SLC22A6: variants seen among roughly 807,000 people sequenced by gnomAD.
SLC22A6 encodes PAH transporter.
Under a neutral mutation model 56.7 loss-of-function variants are expected in SLC22A6, and 45 were observed. That is an observed-to-expected ratio of 0.79 (90% CI 0.63 to 1.02). SLC22A6 has a LOEUF of 1.02. SLC22A6 is among the 50% of genes least tolerant of loss of function. The pLI, the probability that SLC22A6 is intolerant of heterozygous loss-of-function variation, is 0.00. For missense variants in SLC22A6, 606 were observed against 713.8 expected, an observed-to-expected ratio of 0.85 and a Z score of 1.72; for synonymous variants, 291 against 295.9, an observed-to-expected ratio of 0.98 and a Z score of 0.17.
Position 62,976,680 on chromosome 11 carries a change from A to G in SLC22A6, c.*114T>C, listed in dbSNP as rs1590671181. 1 of 842,444 alleles carries G rather than the reference A, an allele frequency of 1.2e-6. No homozygotes were observed. Among genetic ancestry groups the G allele is most frequent in the Non-Finnish European group, 1.9e-6 (1 of 538,822 alleles). 52.2% of individuals were successfully genotyped at this position (842,444 alleles called of 1,614,324 possible). On this transcript the variant is annotated 3_prime_UTR_variant, in exon 10 of 10. Transcript: ENST00000360421. ...GACCCCTGGGAAGATGCTTTCCTGA[A>G]CCACAACCCCCACACTTGGGTCACC...
At chr11:62,982,067 G>C in intron 3 of SLC22A6, 57 bp from the exon 4 acceptor site, 1 of 1,539,104 alleles carries the variant, frequency 6.5e-7, no homozygotes, top group Non-Finnish European at 8.8e-7. Flanking sequence ...GGCTAGTAAA[G>C]GCCCCTCCCT....
Position 62,981,071 on chromosome 11 carries a change from C to G in SLC22A6, c.951G>C (p.Leu317=). 1.2e-6 allele frequency: 2 copies of G among 1,612,548 alleles called. No individual in the cohort carries two copies. Among genetic ancestry groups the G allele is most frequent in the Non-Finnish European group, 1.7e-6 (2 of 1,178,884 alleles). The change falls in exon 6 of 10, where the codon CTG becomes CTC. Residue 317 remains leucine, a synonymous_variant. Coordinates refer to ENST00000360421, the MANE Select transcript of SLC22A6 (RefSeq NM_153276.3). ...CCGATGCCTGGCCTTTGCCCATGGT[C>G]AGCTCCTTCTGCAGACTGGCCCGGA... ...EVLRASLQKE[L]TMGKGQASAM...
At chr11:62,978,592 T>C (rs1413672125) in intron 8 of SLC22A6, among the ~76,000 whole-genome samples, 39 of 124,654 alleles carry the variant, frequency 3.1e-4, no homozygotes, top group African/African-American at 7.4e-4. Context: ...CTTGATCTCT[T>C]TTTTTTTTTT....
In SLC22A6 at chr11:62,977,628, C is replaced by T. The variant is rs915588379; in HGVS notation, c.1362-241G>A. 2.6e-5 allele frequency among the ~76,000 whole-genome samples: 4 copies of T among 152,176 alleles called. No individual in the cohort carries two copies. In the East Asian group the frequency reaches 5.8e-4, roughly 22 times the overall value. On this transcript the variant is annotated intron_variant, in intron 8 of 9. Coordinates refer to ENST00000360421, the MANE Select transcript of SLC22A6 (RefSeq NM_153276.3). The stretch of plus-strand genomic sequence containing the variant: ...CTCAAATGGTCCTCCCCCACCACAG[C>T]TGTTGGTGATCTTTTGAAAAAGAGA...
chr11:62,976,651 GGT>G lies in SLC22A6; in HGVS notation c.*141_*142del. ...GGTTCTGGTGGGGTTTATAAAGGGA[GGT>G]GGACCCCTGGGAAGATGCTTTCCTG... On this transcript the variant is annotated 3_prime_UTR_variant, in exon 10 of 10. Coordinates refer to ENST00000360421, the MANE Select transcript of SLC22A6 (RefSeq NM_153276.3). The G allele has an allele frequency of 1.6e-6, 1 of 623,528 alleles. No individual in the cohort carries two copies. The highest frequency in any genetic ancestry group is 2.8e-6 in the Non-Finnish European group (1 of 354,904). The allele number at this position is 623,528 out of a possible 1,614,324, so 38.6% of individuals were successfully genotyped here. A position where few individuals can be genotyped will look rare whatever the true frequency, so the allele number is the denominator to read the frequency against.
At position 62,976,661 on chromosome 11, in the gene SLC22A6, T is replaced by C. The variant is rs2086191745; in HGVS notation, c.*133A>G. ...GGGTTTATAAAGGGAGGTGGACCCC[T>C]GGGAAGATGCTTTCCTGAACCACAA... On this transcript the variant is annotated 3_prime_UTR_variant, in exon 10 of 10. Coordinates refer to ENST00000360421, the MANE Select transcript of SLC22A6 (RefSeq NM_153276.3). 4.4e-6 allele frequency: 3 copies of C among 682,392 alleles called. No individual in the cohort carries two copies. The highest frequency in any genetic ancestry group is 7.5e-6 in the Non-Finnish European group (3 of 401,574). The allele number at this position is 682,392 out of a possible 1,614,324, so 42.3% of individuals were successfully genotyped here. A position where few individuals can be genotyped will look rare whatever the true frequency, so the allele number is the denominator to read the frequency against.
At position 62,983,691 on chromosome 11, in the gene SLC22A6, C is replaced by T. The variant is rs763520279; in HGVS notation, c.474G>A (p.Arg158=). 1 of 1,606,976 alleles carries T rather than the reference C, an allele frequency of 6.2e-7. No homozygotes were observed. Among genetic ancestry groups the T allele is most frequent in the African/African-American group, 1.3e-5 (1 of 74,550 alleles). ...AGATGAGTACCTTCCGGCGGCCTAG[C>T]CTGTGGGAGGAGGGGAGACTTGTAG... ...GAMVFGYLAD[R]LGRRKVLILN... The change falls in exon 3 of 10, where the codon AGG becomes AGA. Residue 158 remains arginine, a splice_region_variant and synonymous_variant. Coordinates refer to ENST00000360421, the MANE Select transcript of SLC22A6 (RefSeq NM_153276.3). The surrounding 1 kb of genome is among the most constrained non-coding windows in gnomAD (Gnocchi z 4.5).
Position 62,976,867 on chromosome 11 carries a change from G to T in SLC22A6, c.1580C>A (p.Thr527Lys). ...QDLESRKGKQ[T>K]RQQQEHQKYM... is the part of the protein sequence containing the mutation. ...CTTCTGGTGCTCTTGTTGCTGTCGC[G>T]TCTGTTTCCCTTTCCTGCAGGGCGG... Residue 527 changes from threonine (T) to lysine (K), a missense_variant, in exon 10 of 10, where the codon ACG (threonine) becomes AAG (lysine). Coordinates refer to ENST00000360421, the MANE Select transcript of SLC22A6 (RefSeq NM_153276.3). 1 of 1,614,026 alleles carries T rather than the reference G, an allele frequency of 6.2e-7. No homozygotes were observed.
rs973557519 is a variant in SLC22A6 at position 62,984,545 on chromosome 11, C to A, written c.146G>T (p.Cys49Phe). 20 of 1,613,514 alleles carry A rather than the reference C, an allele frequency of 1.2e-5. No homozygotes were observed. The highest frequency in any genetic ancestry group is 1.4e-5 in the Non-Finnish European group (16 of 1,179,820). ...NFTAAIPTHH[C>F]RPPADANLSK... Reference sequence around the variant, plus strand: ...GAGGTTGGCATCGGCAGGCGGGCGGCAGTGGTGGGTAGGGATGGCAGCAGT... The same window carrying A: ...GAGGTTGGCATCGGCAGGCGGGCGGAAGTGGTGGGTAGGGATGGCAGCAGT... The change falls in exon 1 of 10, where the codon TGC (cysteine) becomes TTC (phenylalanine). Residue 49 changes from cysteine to phenylalanine, a missense_variant. Transcript: ENST00000360421.
chr11:62,978,280 A>G (rs2086212578), intron 8 of SLC22A6, among the ~76,000 whole-genome samples: 1 of 149,050 alleles, frequency 6.7e-6, no homozygotes, highest in African/African-American at 2.4e-5. Flanking sequence ...TTTCTTTGTT[A>G]TCTCATGTAA....
chr11:62,984,493 C>A lies in SLC22A6; in HGVS notation c.198G>T (p.Trp66Cys). 6.2e-7 allele frequency: 1 copy of A among 1,613,938 alleles called. No homozygotes were observed. Among genetic ancestry groups the A allele is most frequent in the Admixed American group, 1.7e-5 (1 of 60,026 alleles). Residue 66 changes from tryptophan to cysteine, a missense_variant, in exon 1 of 10, where the codon TGG (tryptophan) becomes TGT (cysteine). Physicochemically the swap from Trp to Cys is radical, Grantham distance 215. Coordinates refer to ENST00000360421, the MANE Select transcript of SLC22A6 (RefSeq NM_153276.3). ...NLSKNGGLEV[W>C]LPRDRQGQPE... ...GCTGCCCCTGCCTGTCCCGGGGCAG[C>A]CAGACCTCCAGCCCCCCGTTCTTGC...
Position 62,976,947 on chromosome 11 carries a change from G to C in SLC22A6, c.1566-66C>G. The C allele has an allele frequency of 2.6e-6, 4 of 1,561,548 alleles. No individual in the cohort carries two copies. In the Admixed American group the frequency reaches 6.7e-5, roughly 26 times the overall value. On this transcript the variant is annotated intron_variant, in intron 9 of 9. Coordinates refer to ENST00000360421, the MANE Select transcript of SLC22A6 (RefSeq NM_153276.3). ...TCCAGGCCAGGGCCGGGATATGGAG[G>C]CTCCCAGGGGGTCTCCGCTCAGCTA... is the stretch of plus-strand genomic sequence containing the variant.
rs746785111 is a variant in SLC22A6, at chr11:62,981,360, C to T, written c.821G>A (p.Trp274Ter). The change falls in exon 5 of 10, where the codon TGG becomes TAG. Residue 274 changes from tryptophan to a stop codon, truncating the protein, a stop_gained. Coordinates refer to ENST00000360421, the MANE Select transcript of SLC22A6 (RefSeq NM_153276.3). LOFTEE classifies it high-confidence loss of function. Reference sequence around the variant, plus strand: ...GTCCAGCCTCCCGGAGGAGGAGTGCCAGCGGGCCGACTCAATGAAGAACCT... The same window carrying T: ...GTCCAGCCTCCCGGAGGAGGAGTGCTAGCGGGCCGACTCAATGAAGAACCT... ...YSWFFIESAR[W>*]HSSSGRLDLT... 5.7e-6 allele frequency: 9 copies of T among 1,581,918 alleles called. No individual in the cohort carries two copies. The South Asian group carries it at 1.0e-4, about 18-fold the overall frequency.
At chr11:62,978,334 T>G (rs2086213631) in intron 8 of SLC22A6, among the ~76,000 whole-genome samples, 1 of 149,472 alleles carries the variant, frequency 6.7e-6, no homozygotes, top group Non-Finnish European at 1.5e-5. Context: ...TTTTATTTTA[T>G]TTTATTTTAT....
At chr11:62,979,708 G>T in intron 7 of SLC22A6, 26 bp downstream of exon 7, 1 of 1,610,636 alleles carries the variant, frequency 6.2e-7, no homozygotes, top group Non-Finnish European at 8.5e-7. Context: ...TGAGGAGAAG[G>T]GGCCAAGGTG....
At position 62,979,729 on chromosome 11, in the gene SLC22A6, C is replaced by A. The variant is rs755627371; in HGVS notation, c.1252+5G>T. ...GAAGGGGCCAAGGTGCTCGTGGGTGCTCACCCTGGGGTATCACCCCATTGA... is the reference window on the plus strand; with the variant it reads ...GAAGGGGCCAAGGTGCTCGTGGGTGATCACCCTGGGGTATCACCCCATTGA... On this transcript the variant is annotated splice_donor_5th_base_variant and intron_variant, in intron 7 of 9. Coordinates refer to ENST00000360421, the MANE Select transcript of SLC22A6 (RefSeq NM_153276.3). 5.6e-6 allele frequency: 9 copies of A among 1,613,196 alleles called. No individual in the cohort carries two copies. The highest frequency in any genetic ancestry group is 1.7e-5 in the Admixed American group (1 of 60,008).
chr11:62,979,626 G>A (rs1403219425), intron 7 of SLC22A6, 30 bp from the exon 8 acceptor site: 6 of 1,595,670 alleles, frequency 3.8e-6, no homozygotes, highest in Non-Finnish European at 5.2e-6. Context: ...GATAGCAGGA[G>A]CTTGGGAGTG....
In SLC22A6 at chr11:62,982,241, T is replaced by C. The variant is rs533053764; in HGVS notation, c.629-231A>G. Among the ~76,000 whole-genome samples the C allele has an allele frequency of 1.7e-3, 261 of 152,198 alleles. 2 individuals are homozygous for C. The highest frequency in any genetic ancestry group is 6.8e-3 in the Middle Eastern group (2 of 294). On this transcript the variant is annotated intron_variant, in intron 3 of 9. Coordinates refer to ENST00000360421, the MANE Select transcript of SLC22A6 (RefSeq NM_153276.3). ...CCACACTCTTGATTTTTTTTTTTTT[T>C]CTGCTCCTCCTCAACCTATTCTCCT...
In SLC22A6 at chr11:62,983,002, G is replaced by C. The variant is rs746346003; in HGVS notation, c.628+535C>G. Among the ~76,000 whole-genome samples the C allele has an allele frequency of 1.3e-5, 2 of 151,270 alleles. No individual in the cohort carries two copies. Among genetic ancestry groups the C allele is most frequent in the Non-Finnish European group, 2.9e-5 (2 of 67,938 alleles). On this transcript the variant is annotated intron_variant, in intron 3 of 9. Coordinates refer to ENST00000360421, the MANE Select transcript of SLC22A6 (RefSeq NM_153276.3). This position sits in a 1 kb window ranked among gnomAD's most constrained non-coding sequence, Gnocchi z 4.5. ...TCCCTAATGCCTCCTGCACCTGGCC[G>C]TCTTACATGATCTGCTGGCTCTAAC... is the stretch of plus-strand genomic sequence containing the variant.
Sources: gnomAD v4.1 joint callset for allele counts (sites outside exome capture counted in the v4.1 genomes callset) on GRCh38, gnomAD v4.1.1 for gene constraint, Gnocchi (gnomAD v3.1) non-coding constraint, MANE v1.5 for transcripts, NCBI Gene and HGNC (gene_info 2026-07-23, HGNC 2026-07-21) for gene names.